APOL6: variants seen among roughly 807,000 people sequenced by gnomAD.
APOL6 encodes the protein apolipoprotein L, 6.
APOL6 carries 1 observed loss-of-function variant against 2.4 expected under a neutral mutation model. That is an observed-to-expected ratio of 0.41 (90% confidence interval 0.15 to 1.94). The LOEUF (loss-of-function observed/expected upper bound fraction) is 1.94. Among genes scored for constraint, APOL6 ranks in the 30% most tolerant of loss-of-function variants. APOL6 has a pLI of 0.30. For synonymous variants in APOL6, 189 were observed against 169.3 expected (o/e 1.12, Z -0.90); for missense variants, 438 against 429.2 (o/e 1.02, Z -0.18).
chr22:35,665,307 C>T lies in APOL6; in HGVS notation c.*5711C>T, dbSNP rs1351545825. On this transcript the variant is annotated 3_prime_UTR_variant, in exon 3 of 3. Transcript: ENST00000409652. The stretch of plus-strand genomic sequence containing the variant: ...TTTAACTCCTGTGTCTGAAAAATCA[C>T]AAACACTGATGACAATCAAAGCCTC... The T allele has an allele frequency of 6.6e-6, 1 of 152,096 alleles. No individual in the cohort carries two copies. Among genetic ancestry groups the T allele is most frequent in the Admixed American group, 6.6e-5 (1 of 15,258 alleles). The allele number at this position is 152,096 out of a possible 1,614,324, so 9.4% of individuals were successfully genotyped here.
intron 1 of APOL6, among the ~76,000 whole-genome samples, chr22:35,650,381 TGA>T (rs750228957): frequency 7.9e-5 from 12 of 151,930 alleles, no homozygotes; most frequent in Non-Finnish European, 1.5e-4. Context: ...GGTTCAACAG[TGA>T]GAGAGTTATT....
chr22:35,656,243 A>G (rs909035179), intron 1 of APOL6, 136 bp from the exon 2 acceptor site: 10 of 667,224 alleles, frequency 1.5e-5, no homozygotes, highest in Non-Finnish European at 5.3e-6. Flanking sequence ...ACAATTTTCA[A>G]ATAATAGTTT....
rs1925128881 is a variant in APOL6 at position 35,664,816 on chromosome 22, G to T, written c.*5220G>T. 6.6e-6 allele frequency: 1 copy of T among 151,416 alleles called. No homozygotes were observed. The highest frequency in any genetic ancestry group is 1.5e-5 in the Non-Finnish European group (1 of 67,878). 9.4% of individuals were successfully genotyped at this position (151,416 alleles called of 1,614,324 possible). A position where few individuals can be genotyped will look rare whatever the true frequency, so the allele number is the denominator to read the frequency against. On this transcript the variant is annotated 3_prime_UTR_variant, in exon 3 of 3. Coordinates refer to ENST00000409652, the MANE Select transcript of APOL6 (RefSeq NM_030641.4). ...AAAGTGTGTCCTTTTTTAAAAAAAT[G>T]GTGAACAAGTTTTGTCTAATTCAAA...
In APOL6 at chr22:35,660,789, A is replaced by T. The variant is rs1307414413; in HGVS notation, c.*1193A>T. 2 of 152,262 alleles carry T rather than the reference A, an allele frequency of 1.3e-5. No homozygotes were observed. The highest frequency in any genetic ancestry group is 4.8e-5 in the African/African-American group (2 of 41,460). 9.4% of individuals were successfully genotyped at this position (152,262 alleles called of 1,614,324 possible). A position where few individuals can be genotyped will look rare whatever the true frequency, so the allele number is the denominator to read the frequency against. On this transcript the variant is annotated 3_prime_UTR_variant, in exon 3 of 3. Coordinates refer to ENST00000409652, the MANE Select transcript of APOL6 (RefSeq NM_030641.4). ...CCTCTTTTATAAAGGCACTAACTCTATGCCTAAAGGCAGGGCCCTCATGAC... is the reference window on the plus strand; with the variant it reads ...CCTCTTTTATAAAGGCACTAACTCTTTGCCTAAAGGCAGGGCCCTCATGAC...
rs1452143172 is a variant in APOL6, at chr22:35,663,003, G to A, written c.*3407G>A. 6.6e-6 allele frequency: 1 copy of A among 152,174 alleles called. No individual in the cohort carries two copies. The highest frequency in any genetic ancestry group is 1.5e-5 in the Non-Finnish European group (1 of 68,018). The allele number at this position is 152,174 out of a possible 1,614,324, so 9.4% of individuals were successfully genotyped here. On this transcript the variant is annotated 3_prime_UTR_variant, in exon 3 of 3. Transcript: ENST00000409652. ...AGGCAAGTTTTCCTGCTTTCATGAT[G>A]ATGGAAGGCAGGTGATGTTTTTATG...
chr22:35,662,209 T>G lies in APOL6; in HGVS notation c.*2613T>G, dbSNP rs570483256. ...CAGCAGTGGGTCAGAGATAGACCTT[T>G]GTTCTCTTATTTCTGAGGCCCTTCA... On this transcript the variant is annotated 3_prime_UTR_variant, in exon 3 of 3. Transcript: ENST00000409652. 1 of 152,148 alleles carries G rather than the reference T, an allele frequency of 6.6e-6. No individual in the cohort carries two copies. The highest frequency in any genetic ancestry group is 2.4e-5 in the African/African-American group (1 of 41,424). The allele number at this position is 152,148 out of a possible 1,614,324, so 9.4% of individuals were successfully genotyped here.
At chr22:35,649,255 G>T (rs1369122411) in intron 1 of APOL6, among the ~76,000 whole-genome samples, 1 of 152,104 alleles carries the variant, frequency 6.6e-6, no homozygotes, top group East Asian at 1.9e-4. Flanking sequence ...GGGCAACATA[G>T]TGAGACCCCG....
Position 35,659,570 on chromosome 22 carries a change from G to T in APOL6, c.1006G>T (p.Val336Phe), listed in dbSNP as rs1569135416. The T allele has an allele frequency of 6.2e-7, 1 of 1,612,336 alleles. No homozygotes were observed. Among genetic ancestry groups the T allele is most frequent in the East Asian group, 2.2e-5 (1 of 44,802 alleles). The change falls in exon 3 of 3, where the codon GTC becomes TTC. Residue 336 changes from valine (V) to phenylalanine (F), a missense_variant. Coordinates refer to ENST00000409652, the MANE Select transcript of APOL6 (RefSeq NM_030641.4). Reference protein sequence around the residue: ...MWLWLCVCLCVCVYVQFT With the variant: ...MWLWLCVCLCFCVYVQFT ...GCTGTGGCTGTGTGTGTGTCTGTGT[G>T]TCTGTGTGTATGTACAGTTTACATG... is the stretch of plus-strand genomic sequence containing the variant.
At position 35,659,863 on chromosome 22, in the gene APOL6, G is replaced by A; in HGVS notation, c.*267G>A. 2.3e-6 allele frequency: 1 copy of A among 434,978 alleles called. No individual in the cohort carries two copies. The highest frequency in any genetic ancestry group is 4.1e-6 in the Non-Finnish European group (1 of 245,688). The allele number at this position is 434,978 out of a possible 1,614,324, so 26.9% of individuals were successfully genotyped here. On this transcript the variant is annotated 3_prime_UTR_variant, in exon 3 of 3. Transcript: ENST00000409652. ...TCACTGCAACCTCTGCCTCCTGAGT[G>A]CAAGCAAGTCTCCTGCCTCAGCCTC...
Position 35,659,100 on chromosome 22 carries a change from A to G in APOL6, c.536A>G (p.Lys179Arg), listed in dbSNP as rs1408750149. 4 of 1,614,150 alleles carry G rather than the reference A, an allele frequency of 2.5e-6. No individual in the cohort carries two copies. In the South Asian group the frequency reaches 3.3e-5, roughly 13 times the overall value. ...KIIYNLRNTL[K>R]YAKKNVRAFW... is the part of the protein sequence containing the mutation. ...ATCTATAATCTTAGAAACACCTTGA[A>G]GTATGCCAAGAAAAACGTCCGTGCA... The change falls in exon 3 of 3, where the codon AAG (lysine) becomes AGG (arginine). Residue 179 changes from lysine (K) to arginine (R), a missense_variant. Physicochemically the swap from Lys to Arg is conservative, Grantham distance 26. Transcript: ENST00000409652.
intron 1 of APOL6, among the ~76,000 whole-genome samples, chr22:35,653,972 A>G (rs1238063750): frequency 1.3e-5 from 2 of 152,216 alleles, no homozygotes; most frequent in Non-Finnish European, 2.9e-5. Context: ...CTCAGTTTCA[A>G]TAATTTGCTA....
chr22:35,650,885 A>G (rs924873748), intron 1 of APOL6, among the ~76,000 whole-genome samples: 1 of 151,986 alleles, frequency 6.6e-6, no homozygotes, highest in South Asian at 2.1e-4. Context: ...AGCCAAGATC[A>G]TGCCATTGTA....
At position 35,668,248 on chromosome 22, in the gene APOL6, A is replaced by T. The variant is rs1925246646; in HGVS notation, c.*8652A>T. ...GCCTTTCTGGACAGGACCAATGTAT[A>T]TCTTAAATGTATTTGATTGATCTCT... On this transcript the variant is annotated 3_prime_UTR_variant, in exon 3 of 3. Transcript: ENST00000409652. 1 of 152,144 alleles carries T rather than the reference A, an allele frequency of 6.6e-6. No homozygotes were observed. The highest frequency in any genetic ancestry group is 6.5e-5 in the Admixed American group (1 of 15,278). 9.4% of individuals were successfully genotyped at this position (152,144 alleles called of 1,614,324 possible). A position where few individuals can be genotyped will look rare whatever the true frequency, so the allele number is the denominator to read the frequency against.
intron 1 of APOL6, among the ~76,000 whole-genome samples, chr22:35,653,468 C>A (rs1924754413): frequency 6.6e-6 from 1 of 152,192 alleles, no homozygotes; most frequent in African/African-American, 2.4e-5. Context: ...GCATCCCTGT[C>A]TTGTGCCAGT....
intron 1 of APOL6, among the ~76,000 whole-genome samples, chr22:35,654,370 C>T (rs1003291309): frequency 6.6e-6 from 1 of 152,096 alleles, no homozygotes; most frequent in Non-Finnish European, 1.5e-5. Flanking sequence ...TCCTTGGAGG[C>T]TTTCTAAAGT....
chr22:35,655,387 A>T (rs1924818049), intron 1 of APOL6, among the ~76,000 whole-genome samples: 1 of 152,196 alleles, frequency 6.6e-6, no homozygotes, highest in Non-Finnish European at 1.5e-5. Flanking sequence ...TCCTCCTCCC[A>T]GTCAATAATC....
chr22:35,664,225 A>G lies in APOL6; in HGVS notation c.*4629A>G, dbSNP rs1045033533. Reference sequence around the variant, plus strand: ...GGTGTCAAAATTTGGCATAGGGGTTATAAAACTATAAACCCAGCCCAAAAC... The same window carrying G: ...GGTGTCAAAATTTGGCATAGGGGTTGTAAAACTATAAACCCAGCCCAAAAC... On this transcript the variant is annotated 3_prime_UTR_variant, in exon 3 of 3. Transcript: ENST00000409652. The G allele has an allele frequency of 1.3e-5, 2 of 152,226 alleles. No homozygotes were observed. The highest frequency in any genetic ancestry group is 2.4e-5 in the African/African-American group (1 of 41,462). The allele number at this position is 152,226 out of a possible 1,614,324, so 9.4% of individuals were successfully genotyped here.
At chr22:35,654,961 A>G (rs1411688339) in intron 1 of APOL6, among the ~76,000 whole-genome samples, 2 of 152,104 alleles carry the variant, frequency 1.3e-5, no homozygotes, top group Admixed American at 1.3e-4. Context: ...AGGCCTGGAG[A>G]TGGTACCAGA....
rs1314435699 is a variant in APOL6, at chr22:35,660,585, A to T, written c.*989A>T. 1 of 152,254 alleles carries T rather than the reference A, an allele frequency of 6.6e-6. No individual in the cohort carries two copies. The highest frequency in any genetic ancestry group is 1.5e-5 in the Non-Finnish European group (1 of 68,050). The allele number at this position is 152,254 out of a possible 1,614,324, so 9.4% of individuals were successfully genotyped here. A position where few individuals can be genotyped will look rare whatever the true frequency, so the allele number is the denominator to read the frequency against. ...GTGCTGCTATAACAAAATACCTTAG[A>T]CTGGGTAATTTACAAACAACAGAGA... is the stretch of plus-strand genomic sequence containing the variant. On this transcript the variant is annotated 3_prime_UTR_variant, in exon 3 of 3. Coordinates refer to ENST00000409652, the MANE Select transcript of APOL6 (RefSeq NM_030641.4).
Sources: gnomAD v4.1 joint callset for allele counts (sites outside exome capture counted in the v4.1 genomes callset) on GRCh38, gnomAD v4.1.1 for gene constraint, MANE v1.5 for transcripts, NCBI Gene and HGNC (gene_info 2026-07-23, HGNC 2026-07-21) for gene names.